Variants in IL1RAPL2 observed in about 807,000 individuals in gnomAD.
IL1RAPL2 encodes the protein X-linked interleukin-1 receptor accessory protein-like 2.
IL1RAPL2 carries 3 observed loss-of-function variants against 44.1 expected under a neutral mutation model. The ratio of observed to expected loss-of-function variants is 0.07; its 90% confidence interval spans 0.03 to 0.18. IL1RAPL2 has a LOEUF of 0.18. Ranked by LOEUF, IL1RAPL2 falls within the 10% of genes least tolerant of loss-of-function variation. The probability of loss-of-function intolerance (pLI) is 1.00; values close to 1 mark genes in which losing one functional copy is unlikely to be tolerated. For synonymous variants in IL1RAPL2, 181 were observed against 178.8 expected, an observed-to-expected ratio of 1.01 and a Z score of -0.10; for missense variants, 391 against 496.4, an observed-to-expected ratio of 0.79 and a Z score of 2.02.
At chrX:105,707,452 C>T (rs2038174564) in intron 6 of IL1RAPL2, among the ~76,000 whole-genome samples, 1 of 112,083 alleles carries the variant, frequency 8.9e-6, no homozygotes, top group African/African-American at 3.2e-5. Context: ...AACCATGTGC[C>T]TTGCAGCATG....
chrX:105,367,382 G>A (rs775312137), intron 5 of IL1RAPL2, among the ~76,000 whole-genome samples: 39 of 111,313 alleles, frequency 3.5e-4, no homozygotes, highest in Non-Finnish European at 6.6e-4. Context: ...ATTGGCATTT[G>A]TTAATTGTTT....
chrX:104,673,156 A>T (rs1930653228), intron 2 of IL1RAPL2, among the ~76,000 whole-genome samples: 1 of 111,501 alleles, frequency 9.0e-6, no homozygotes, highest in African/African-American at 3.3e-5. Flanking sequence ...GGTGTTTTAG[A>T]CATGAAGTCC....
chrX:105,349,135 C>T (rs1194685899), intron 5 of IL1RAPL2, among the ~76,000 whole-genome samples: 1 of 112,042 alleles, frequency 8.9e-6, no homozygotes, highest in Non-Finnish European at 1.9e-5. Flanking sequence ...ATCGTGGTGG[C>T]TCTGACCACT....
chrX:105,729,765 A>G (rs1353864772), intron 7 of IL1RAPL2, among the ~76,000 whole-genome samples: 1 of 109,370 alleles, frequency 9.1e-6, no homozygotes, highest in Non-Finnish European at 1.9e-5. Context: ...CTAAAATTTT[A>G]TCAGCAAACA....
chrX:105,647,310 G>A, intron 6 of IL1RAPL2, among the ~76,000 whole-genome samples: 1 of 111,678 alleles, frequency 9.0e-6, no homozygotes, highest in Non-Finnish European at 1.9e-5. Flanking sequence ...AGAAGAGTAT[G>A]CAGTTTCAAG....
intron 6 of IL1RAPL2, 24 bp downstream of exon 6, chrX:105,484,411 A>T: frequency 9.6e-7 from 1 of 1,046,719 alleles, no homozygotes. Flanking sequence ...TTGGAATAAC[A>T]CTTCCTAAAC....
chrX:105,253,278 A>T (rs1487482834), intron 4 of IL1RAPL2, among the ~76,000 whole-genome samples: 1 of 109,859 alleles, frequency 9.1e-6, no homozygotes, highest in Admixed American at 9.8e-5. Context: ...TCTTGTTGGG[A>T]AGTTTCTATT....
At chrX:104,940,931 G>A (rs1368071704) in intron 2 of IL1RAPL2, among the ~76,000 whole-genome samples, 1 of 90,778 alleles carries the variant, frequency 1.1e-5, no homozygotes, top group African/African-American at 4.3e-5. Flanking sequence ...CTGTGTCCAA[G>A]TGTTCTCATT....
intron 10 of IL1RAPL2, among the ~76,000 whole-genome samples, chrX:105,766,728 C>A (rs1159606533): frequency 3.7e-5 from 4 of 108,841 alleles, no homozygotes; most frequent in Non-Finnish European, 5.7e-5. Context: ...CTGAAGAAGT[C>A]AGAGTTTATG....
intron 2 of IL1RAPL2, among the ~76,000 whole-genome samples, chrX:104,713,700 G>A (rs1411422275): frequency 1.8e-5 from 2 of 110,921 alleles, no homozygotes; most frequent in African/African-American, 6.5e-5. Flanking sequence ...TCACATTTCA[G>A]TGGTTTAACC....
intron 6 of IL1RAPL2, among the ~76,000 whole-genome samples, chrX:105,701,537 A>G (rs1465234678): frequency 3.6e-5 from 4 of 111,279 alleles, no homozygotes; most frequent in African/African-American, 1.3e-4. Flanking sequence ...ACTTAGATCT[A>G]TATCAAGCTA....
intron 6 of IL1RAPL2, among the ~76,000 whole-genome samples, chrX:105,513,466 T>C: frequency 8.9e-6 from 1 of 111,888 alleles, no homozygotes; most frequent in Non-Finnish European, 1.9e-5. Context: ...GCATTCTAAC[T>C]GGCGTGAGAT....
chrX:105,315,018 A>G (rs746571823), intron 5 of IL1RAPL2, among the ~76,000 whole-genome samples: 1 of 112,437 alleles, frequency 8.9e-6, no homozygotes, highest in South Asian at 3.7e-4. Flanking sequence ...CTCACTATTT[A>G]ATCTTGATAT....
intron 1 of IL1RAPL2, among the ~76,000 whole-genome samples, chrX:104,655,957 C>T (rs776041438): frequency 2.6e-4 from 29 of 111,623 alleles, no homozygotes; most frequent in South Asian, 1.1e-3. Flanking sequence ...AGTTAATTTG[C>T]GTAGAGGTGT....
At chrX:105,072,623 T>C (rs554882674) in intron 2 of IL1RAPL2, among the ~76,000 whole-genome samples, 2 of 111,144 alleles carry the variant, frequency 1.8e-5, no homozygotes, top group South Asian at 7.7e-4. Flanking sequence ...GGAGAAAAGA[T>C]CACTCTTATT....
intron 2 of IL1RAPL2, among the ~76,000 whole-genome samples, chrX:104,818,749 G>A (rs1921215075): frequency 1.8e-5 from 2 of 111,037 alleles, no homozygotes; most frequent in Admixed American, 1.9e-4. Flanking sequence ...AGTCATCAAG[G>A]AAGGATCTAT....
At chrX:105,523,294 A>G (rs1014676068) in intron 6 of IL1RAPL2, among the ~76,000 whole-genome samples, 3 of 111,519 alleles carry the variant, frequency 2.7e-5, no homozygotes, top group African/African-American at 9.8e-5. Context: ...TCCTGGTTCC[A>G]CCATTTACTA....
intron 6 of IL1RAPL2, among the ~76,000 whole-genome samples, chrX:105,661,748 A>C (rs977136307): frequency 8.9e-6 from 1 of 112,318 alleles, no homozygotes; most frequent in African/African-American, 3.2e-5. Context: ...TTCAAAAGAG[A>C]AAGAGCTTGA....
chrX:104,995,196 A>G (rs1461278118), intron 2 of IL1RAPL2, among the ~76,000 whole-genome samples: 2 of 110,098 alleles, frequency 1.8e-5, no homozygotes, highest in Non-Finnish European at 3.8e-5. Context: ...GTTTCTAGTT[A>G]CTCTTTGTTT....
Sources: gnomAD v4.1 joint callset for allele counts (sites outside exome capture counted in the v4.1 genomes callset) on GRCh38, gnomAD v4.1.1 for gene constraint, MANE v1.5 for transcripts, NCBI Gene and HGNC (gene_info 2026-07-23, HGNC 2026-07-21) for gene names.